The following TMEM135 variants were observed in gnomAD, a reference collection of about 807,000 sequenced individuals.
TMEM135 encodes the protein peroxisomal membrane protein 52.
A neutral mutation model predicts 60.3 loss-of-function variants in TMEM135; 30 were observed. That is an observed-to-expected ratio of 0.50 (90% CI 0.37 to 0.68). TMEM135 has a LOEUF of 0.68. Among genes scored for constraint, TMEM135 ranks in the 30% least tolerant of loss-of-function variants. TMEM135 has a pLI of 0.00. For synonymous variants in TMEM135, 190 were observed against 186.7 expected (o/e 1.02, Z -0.14); for missense variants, 468 against 548.8 (o/e 0.85, Z 1.47).
chr11:87,068,356 G>T (rs948566701), intron 2 of TMEM135, among the ~76,000 whole-genome samples: 4 of 152,028 alleles, frequency 2.6e-5, no homozygotes, highest in African/African-American at 9.7e-5. Context: ...TCTTTTGAGT[G>T]CTCTTACTTA....
At chr11:87,258,453 T>TCC (rs1565144673) in intron 6 of TMEM135, among the ~76,000 whole-genome samples, 1 of 152,070 alleles carries the variant, frequency 6.6e-6, no homozygotes, top group African/African-American at 2.4e-5. Context: ...TGCATGTCCC[T>TCC]CCCCAACAGC....
At chr11:87,191,833 C>G (rs1344026658) in intron 5 of TMEM135, among the ~76,000 whole-genome samples, 1 of 151,860 alleles carries the variant, frequency 6.6e-6, no homozygotes, top group Non-Finnish European at 1.5e-5. Flanking sequence ...TCCTTATTAT[C>G]TATGTTTTTG....
chr11:87,283,192 G>C (rs1942099489), intron 6 of TMEM135, among the ~76,000 whole-genome samples: 1 of 151,920 alleles, frequency 6.6e-6, no homozygotes, highest in Non-Finnish European at 1.5e-5. Context: ...AAATTAGCCA[G>C]GTGTGGTACC....
chr11:87,223,707 G>A (rs568410855), intron 5 of TMEM135, among the ~76,000 whole-genome samples: 7 of 147,710 alleles, frequency 4.7e-5, no homozygotes, highest in Non-Finnish European at 5.9e-5. Flanking sequence ...AAAATTAGCT[G>A]GGTGTGGTTG....
chr11:87,067,920 G>GC (rs1040460224), intron 2 of TMEM135, 99 bp downstream of exon 2: 93 of 1,442,524 alleles, frequency 6.4e-5, no homozygotes, highest in Non-Finnish European at 4.4e-5. Flanking sequence ...TACTATCCCC[G>GC]CCCCCCCTTT....
At chr11:87,136,371 T>C (rs944287247) in intron 4 of TMEM135, among the ~76,000 whole-genome samples, 3 of 152,058 alleles carry the variant, frequency 2.0e-5, no homozygotes, top group Non-Finnish European at 2.9e-5. Context: ...CAGTGTATTA[T>C]TCTTCTTATA....
intron 9 of TMEM135, among the ~76,000 whole-genome samples, chr11:87,307,727 CAT>C (rs1287006916): frequency 6.6e-6 from 1 of 152,114 alleles, no homozygotes; most frequent in Non-Finnish European, 1.5e-5. Context: ...GAATTTAAAC[CAT>C]AAACATGGTA....
chr11:87,183,754 G>A (rs916584134), intron 5 of TMEM135, among the ~76,000 whole-genome samples: 3 of 151,726 alleles, frequency 2.0e-5, no homozygotes, highest in Admixed American at 6.6e-5. Context: ...TCAGGAGTTC[G>A]AGACCAGCCT....
intron 5 of TMEM135, among the ~76,000 whole-genome samples, chr11:87,180,907 T>C (rs1342142488): frequency 6.6e-6 from 1 of 152,158 alleles, no homozygotes; most frequent in Admixed American, 6.5e-5. Context: ...TGGGATACAC[T>C]CCAACATTAT....
rs994051812 is a variant in TMEM135, at chr11:87,324,280, C to G, written c.*2947C>G. Reference sequence around the variant, plus strand: ...CTCTCAGGGAGCTTCGTCCACTTGCCTGTGTCACAACCTCTCCCTTGGTGC... The same window carrying G: ...CTCTCAGGGAGCTTCGTCCACTTGCGTGTGTCACAACCTCTCCCTTGGTGC... On this transcript the variant is annotated 3_prime_UTR_variant, in exon 15 of 15. Transcript: ENST00000305494. 1 of 453,948 alleles carries G rather than the reference C, an allele frequency of 2.2e-6. No individual in the cohort carries two copies. The highest frequency in any genetic ancestry group is 2.0e-5 in the African/African-American group (1 of 49,982). The allele number at this position is 453,948 out of a possible 1,614,324, so 28.1% of individuals were successfully genotyped here. A position where few individuals can be genotyped will look rare whatever the true frequency, so the allele number is the denominator to read the frequency against.
intron 5 of TMEM135, among the ~76,000 whole-genome samples, chr11:87,221,615 A>C (rs1187350188): frequency 6.6e-6 from 1 of 152,190 alleles, no homozygotes; most frequent in Non-Finnish European, 1.5e-5. Context: ...TCTTAACCAC[A>C]TGCAACTAGA....
At chr11:87,148,558 T>G (rs998653370) in intron 4 of TMEM135, among the ~76,000 whole-genome samples, 8 of 152,162 alleles carry the variant, frequency 5.3e-5, no homozygotes, top group Non-Finnish European at 1.2e-4. Context: ...TTTTGAGAAA[T>G]TATTGCATAT....
In TMEM135 at chr11:87,325,077, TTTC is replaced by T. The variant is rs1188938593; in HGVS notation, c.*3753_*3755del. On this transcript the variant is annotated 3_prime_UTR_variant, in exon 15 of 15. Transcript: ENST00000305494. ...GCCACCATTGGTGCCAGCTCTATAA[TTTC>T]TTCTTCTTGTGGAATTAACAAAGAA... is the stretch of plus-strand genomic sequence containing the variant. 4.4e-6 allele frequency: 2 copies of T among 453,964 alleles called. No homozygotes were observed. Among genetic ancestry groups the T allele is most frequent in the South Asian group, 1.6e-5 (1 of 64,474 alleles). 28.1% of individuals were successfully genotyped at this position (453,964 alleles called of 1,614,324 possible).
chr11:87,296,488 T>G lies in TMEM135; in HGVS notation c.551+665T>G, dbSNP rs76628290. Among the ~76,000 whole-genome samples, 606 of 152,346 alleles carry G rather than the reference T, an allele frequency of 4.0e-3. 16 individuals carry two copies. In the East Asian group the frequency reaches 0.089, roughly 22 times the overall value. ...CCATACCCAGTGTTTGTCTAGTTTA[T>G]ATCATAAATGTTGCCTGTTTTGTAA... On this transcript the variant is annotated intron_variant, in intron 7 of 14. Coordinates refer to ENST00000305494, the MANE Select transcript of TMEM135 (RefSeq NM_022918.4).
chr11:87,288,446 A>G (rs147351327), intron 6 of TMEM135, among the ~76,000 whole-genome samples: 8 of 152,330 alleles, frequency 5.3e-5, no homozygotes, highest in Non-Finnish European at 8.8e-5. Flanking sequence ...AGTAGCAACT[A>G]GTAATCTTAA....
At chr11:87,081,001 T>C (rs1856980790) in intron 3 of TMEM135, among the ~76,000 whole-genome samples, 1 of 152,202 alleles carries the variant, frequency 6.6e-6, no homozygotes. Flanking sequence ...TTATTTGATA[T>C]TGATATAGCT....
At chr11:87,230,205 A>T (rs140214444) in intron 5 of TMEM135, among the ~76,000 whole-genome samples, 176 of 152,230 alleles carry the variant, frequency 1.2e-3, no homozygotes, top group African/African-American at 4.0e-3. Flanking sequence ...TATATTAAGA[A>T]TATCATACAT....
At chr11:87,228,852 T>A (rs1424232159) in intron 5 of TMEM135, among the ~76,000 whole-genome samples, 1 of 152,208 alleles carries the variant, frequency 6.6e-6, no homozygotes, top group Non-Finnish European at 1.5e-5. Flanking sequence ...TCAGTCATGT[T>A]CACATTTTTG....
In TMEM135 at chr11:87,327,053, C is replaced by T. The variant is rs1565175636; in HGVS notation, c.*5720C>T. On this transcript the variant is annotated 3_prime_UTR_variant, in exon 15 of 15. Coordinates refer to ENST00000305494, the MANE Select transcript of TMEM135 (RefSeq NM_022918.4). ...ACACTGATGTTGTTTAAGACAGTTA[C>T]ATGCCTAGCCCCAGGGATGAATCAT... The T allele has an allele frequency of 2.2e-6, 1 of 453,760 alleles. No individual in the cohort carries two copies. The highest frequency in any genetic ancestry group is 4.4e-6 in the Non-Finnish European group (1 of 226,766). The allele number at this position is 453,760 out of a possible 1,614,324, so 28.1% of individuals were successfully genotyped here.
Sources: gnomAD v4.1 joint callset for allele counts (sites outside exome capture counted in the v4.1 genomes callset) on GRCh38, gnomAD v4.1.1 for gene constraint, MANE v1.5 for transcripts, NCBI Gene and HGNC (gene_info 2026-07-23, HGNC 2026-07-21) for gene names.